BMAL1: variants seen among roughly 807,000 people sequenced by gnomAD.
BMAL1 encodes basic helix-loop-helix ARNT-like protein 1.
chr11:13,285,233 T>G, the BMAL1 span, among the ~76,000 whole-genome samples: 1 of 152,202 alleles, frequency 6.6e-6, no homozygotes, highest in Non-Finnish European at 1.5e-5. Flanking sequence ...GTTGTCTCAT[T>G]TTTTAATTGT....
the BMAL1 span, chr11:13,358,615 C>T: frequency 1.3e-6 from 2 of 1,541,800 alleles, no homozygotes; most frequent in Non-Finnish European, 1.7e-6. Flanking sequence ...CTCTATTGTC[C>T]TTTATGTCCT....
the BMAL1 span, chr11:13,386,906 C>G: frequency 1.1e-6 from 1 of 872,442 alleles, no homozygotes; most frequent in Admixed American, 3.3e-5. Flanking sequence ...ACAAGTCAAT[C>G]TTACTATATG....
chr11:13,372,385 G>A, the BMAL1 span: 1 of 1,614,216 alleles, frequency 6.2e-7, no homozygotes, highest in Non-Finnish European at 8.5e-7. Context: ...GCGATAGATG[G>A]AAAGTTTGTT....
the BMAL1 span, among the ~76,000 whole-genome samples, chr11:13,374,696 CTACT>C: frequency 6.6e-6 from 1 of 152,092 alleles, no homozygotes. Context: ...GCCCTCGTGC[CTACT>C]TAGAGACCTG....
At chr11:13,301,901 C>T in the BMAL1 span, among the ~76,000 whole-genome samples, 1 of 152,230 alleles carries the variant, frequency 6.6e-6, no homozygotes. Flanking sequence ...GATCACACTG[C>T]TGTGGAGCCA....
chr11:13,361,891 G>A, the BMAL1 span, among the ~76,000 whole-genome samples: 30 of 152,184 alleles, frequency 2.0e-4, no homozygotes, highest in African/African-American at 7.0e-4. Flanking sequence ...CTCTAGTCTG[G>A]CTGTCCTTTT....
chr11:13,373,191 G>T, the BMAL1 span, among the ~76,000 whole-genome samples: 3 of 152,144 alleles, frequency 2.0e-5, no homozygotes, highest in African/African-American at 7.2e-5. Context: ...TTATTTTATG[G>T]ATGAAGAACA....
At chr11:13,278,764 A>G in the BMAL1 span, among the ~76,000 whole-genome samples, 1 of 152,168 alleles carries the variant, frequency 6.6e-6, no homozygotes, top group Admixed American at 6.5e-5. Flanking sequence ...AGCTCCGCGG[A>G]GGGCGCAGCG....
At chr11:13,295,117 GC>G in the BMAL1 span, among the ~76,000 whole-genome samples, 4 of 152,192 alleles carry the variant, frequency 2.6e-5, no homozygotes, top group East Asian at 7.7e-4. Flanking sequence ...GCAGCAGTTG[GC>G]CCACAGCTGG....
the BMAL1 span, chr11:13,386,611 T>A: frequency 6.2e-7 from 1 of 1,612,410 alleles, no homozygotes; most frequent in Non-Finnish European, 8.5e-7. Flanking sequence ...AACCCCCACA[T>A]AGGTATAGAC....
the BMAL1 span, among the ~76,000 whole-genome samples, chr11:13,372,629 G>GC: frequency 6.6e-6 from 1 of 152,100 alleles, no homozygotes; most frequent in Non-Finnish European, 1.5e-5. Flanking sequence ...GGGCAACGTG[G>GC]CAAAACCCTG....
chr11:13,384,389 T>G, the BMAL1 span, among the ~76,000 whole-genome samples: 7 of 152,158 alleles, frequency 4.6e-5, no homozygotes, highest in Non-Finnish European at 7.4e-5. Context: ...AACTAAACAA[T>G]GCAAGGTATT....
chr11:13,305,428 T>C, the BMAL1 span, among the ~76,000 whole-genome samples: 1 of 152,222 alleles, frequency 6.6e-6, no homozygotes, highest in South Asian at 2.1e-4. Flanking sequence ...AGAAATCCAA[T>C]TGATTTTTTT....
chr11:13,356,557 T>C, the BMAL1 span, among the ~76,000 whole-genome samples: 5 of 152,260 alleles, frequency 3.3e-5, no homozygotes, highest in Non-Finnish European at 7.3e-5. Flanking sequence ...CCAGGTTTTA[T>C]AGTAAGTTCA....
At chr11:13,299,813 T>C in the BMAL1 span, among the ~76,000 whole-genome samples, 1 of 152,156 alleles carries the variant, frequency 6.6e-6, no homozygotes, top group African/African-American at 2.4e-5. Flanking sequence ...TCACTTTCTT[T>C]ACCTGCCAGG....
chr11:13,300,392 A>T, the BMAL1 span, among the ~76,000 whole-genome samples: 6 of 152,248 alleles, frequency 3.9e-5, no homozygotes, highest in Non-Finnish European at 8.8e-5. Context: ...GAAGAATGTC[A>T]TGAGGATATA....
chr11:13,375,499 C>G, the BMAL1 span: 6 of 892,344 alleles, frequency 6.7e-6, no homozygotes, highest in Admixed American at 3.7e-5. Flanking sequence ...CCTTGGCTTA[C>G]TAAAGAGCGA....
chr11:13,354,288 G>GT, the BMAL1 span: 5 of 1,468,850 alleles, frequency 3.4e-6, no homozygotes, highest in Non-Finnish European at 4.6e-6. Flanking sequence ...TGTGCCTCTT[G>GT]TAACAATTCC....
the BMAL1 span, among the ~76,000 whole-genome samples, chr11:13,351,493 AG>A: frequency 6.6e-6 from 1 of 152,186 alleles, no homozygotes; most frequent in African/African-American, 2.4e-5. Context: ...GGTGACATCT[AG>A]GCTGGAGATA....
Sources: gnomAD v4.1 joint callset for allele counts (sites outside exome capture counted in the v4.1 genomes callset) on GRCh38, gnomAD v4.1.1 for gene constraint, MANE v1.5 for transcripts, NCBI Gene and HGNC (gene_info 2026-07-23, HGNC 2026-07-21) for gene names.